The following ANKS1B variants were observed in gnomAD, a reference collection of about 807,000 sequenced individuals.
The protein encoded by ANKS1B is ankyrin repeat and sterile alpha motif domain-containing protein 1B.
A neutral mutation model predicts 148.3 loss-of-function variants in ANKS1B; 36 were observed. The observed-to-expected ratio is 0.24, with a 90% confidence interval of 0.19 to 0.32. The LOEUF (loss-of-function observed/expected upper bound fraction) is 0.32. Ranked by LOEUF, ANKS1B falls within the 10% of genes least tolerant of loss-of-function variation. ANKS1B has a pLI of 1.00. For synonymous variants in ANKS1B, 542 were observed against 560.8 expected (o/e 0.97, Z 0.47); for missense variants, 1,157 against 1,542.6 (o/e 0.75, Z 4.19).
chr12:99,428,080 T>A (rs2095295930), intron 11 of ANKS1B, among the ~76,000 whole-genome samples: 1 of 152,176 alleles, frequency 6.6e-6, no homozygotes, highest in African/African-American at 2.4e-5. Context: ...AATAACATAA[T>A]CATGTTGACA....
chr12:99,112,938 G>GC (rs2060595666), intron 15 of ANKS1B, among the ~76,000 whole-genome samples: 1 of 152,136 alleles, frequency 6.6e-6, no homozygotes, highest in Non-Finnish European at 1.5e-5. Context: ...AGATAAATAA[G>GC]ACACAATCCT....
chr12:99,594,830 C>T (rs574639395), intron 9 of ANKS1B, among the ~76,000 whole-genome samples: 291 of 151,972 alleles, frequency 1.9e-3, no homozygotes, highest in Non-Finnish European at 2.9e-3. Flanking sequence ...CAACACTGTA[C>T]TGTACACAAA....
intron 1 of ANKS1B, among the ~76,000 whole-genome samples, chr12:99,946,456 G>C (rs1016285791): frequency 1.4e-4 from 21 of 152,288 alleles, no homozygotes; most frequent in African/African-American, 4.8e-4. Flanking sequence ...GAGAGAAAGA[G>C]AGCAAGCTCT....
chr12:99,805,653 A>C (rs2067551802), intron 4 of ANKS1B, among the ~76,000 whole-genome samples: 1 of 152,052 alleles, frequency 6.6e-6, no homozygotes, highest in Admixed American at 6.6e-5. Context: ...ATAATAATAA[A>C]ATATACTAAA....
At chr12:99,960,655 G>A (rs1028739486) in intron 1 of ANKS1B, among the ~76,000 whole-genome samples, 1 of 152,134 alleles carries the variant, frequency 6.6e-6, no homozygotes, top group African/African-American at 2.4e-5. Context: ...CTAGATTAAT[G>A]TCCTCAACTC....
At chr12:99,887,301 G>A (rs370343879) in intron 1 of ANKS1B, among the ~76,000 whole-genome samples, 2 of 152,290 alleles carry the variant, frequency 1.3e-5, no homozygotes, top group Admixed American at 6.5e-5. Flanking sequence ...ATACACACCA[G>A]ATTTCAATAC....
chr12:99,378,652 C>CAAAAAA (rs140892353), intron 12 of ANKS1B, among the ~76,000 whole-genome samples: 303 of 88,290 alleles, frequency 3.4e-3, no homozygotes, highest in Middle Eastern at 0.013. Context: ...GACTCCATCT[C>CAAAAAA]AAAAAAAAAA....
chr12:98,945,684 A>T (rs1206556949), intron 17 of ANKS1B, among the ~76,000 whole-genome samples: 1 of 152,082 alleles, frequency 6.6e-6, no homozygotes, highest in Non-Finnish European at 1.5e-5. Context: ...TTTTGCATTC[A>T]TTCCTCAATA....
At chr12:99,187,080 G>A (rs1170217705) in intron 14 of ANKS1B, among the ~76,000 whole-genome samples, 2 of 151,606 alleles carry the variant, frequency 1.3e-5, no homozygotes, top group African/African-American at 2.4e-5. Flanking sequence ...GCAGAAGAAA[G>A]GATATCAGAG....
At chr12:99,704,018 G>C (rs947320372) in intron 8 of ANKS1B, among the ~76,000 whole-genome samples, 1 of 152,094 alleles carries the variant, frequency 6.6e-6, no homozygotes, top group African/African-American at 2.4e-5. Flanking sequence ...ACTAAAACCA[G>C]TAACGTGATT....
chr12:99,215,682 C>T (rs1601750194), intron 14 of ANKS1B, among the ~76,000 whole-genome samples: 2 of 152,254 alleles, frequency 1.3e-5, no homozygotes. Flanking sequence ...GGCCTGTAGC[C>T]CCCTTGTTTT....
chr12:99,072,408 A>G (rs2153591152), intron 16 of ANKS1B, among the ~76,000 whole-genome samples: 1 of 152,186 alleles, frequency 6.6e-6, no homozygotes, highest in East Asian at 1.9e-4. Flanking sequence ...ACTATTATCT[A>G]TTGTTTTATA....
At chr12:99,380,176 A>G (rs1051557676) in intron 12 of ANKS1B, among the ~76,000 whole-genome samples, 1 of 152,198 alleles carries the variant, frequency 6.6e-6, no homozygotes, top group Non-Finnish European at 1.5e-5. Flanking sequence ...AATGTAGGCA[A>G]AGTAGATACA....
At chr12:99,294,737 C>G (rs868806625) in intron 12 of ANKS1B, among the ~76,000 whole-genome samples, 13 of 151,928 alleles carry the variant, frequency 8.6e-5, no homozygotes, top group Non-Finnish European at 8.8e-5. Context: ...CACCACAATC[C>G]CCGCCTTCCA....
At chr12:99,770,995 C>G (rs1692366179) in intron 8 of ANKS1B, among the ~76,000 whole-genome samples, 1 of 152,096 alleles carries the variant, frequency 6.6e-6, no homozygotes, top group African/African-American at 2.4e-5. Context: ...TTGCCACTAT[C>G]ACAATACAGT....
intron 15 of ANKS1B, among the ~76,000 whole-genome samples, chr12:99,087,674 C>T (rs1457828315): frequency 6.6e-6 from 1 of 152,186 alleles, no homozygotes; most frequent in African/African-American, 2.4e-5. Context: ...AAAAATCTTT[C>T]GTCATCTTTG....
intron 17 of ANKS1B, among the ~76,000 whole-genome samples, chr12:98,985,125 T>C (rs2099922513): frequency 6.6e-6 from 1 of 152,208 alleles, no homozygotes; most frequent in African/African-American, 2.4e-5. Context: ...TATTTATTAT[T>C]TTATTTTGAG....
At chr12:99,125,704 A>G (rs1037768951) in intron 15 of ANKS1B, among the ~76,000 whole-genome samples, 11 of 152,188 alleles carry the variant, frequency 7.2e-5, no homozygotes, top group African/African-American at 2.4e-5. Context: ...AGGGAGGCTC[A>G]AGGATAACTC....
chr12:99,298,239 T>C (rs1198229513), intron 12 of ANKS1B, among the ~76,000 whole-genome samples: 1 of 152,230 alleles, frequency 6.6e-6, no homozygotes, highest in Non-Finnish European at 1.5e-5. Context: ...GCTGGCTGTG[T>C]CCCCACCCAA....
Sources: gnomAD v4.1 joint callset for allele counts (sites outside exome capture counted in the v4.1 genomes callset) on GRCh38, gnomAD v4.1.1 for gene constraint, MANE v1.5 for transcripts, NCBI Gene and HGNC (gene_info 2026-07-23, HGNC 2026-07-21) for gene names.